Variants in CDKL1 observed in about 807,000 individuals in gnomAD.
The protein encoded by CDKL1 is cyclin-dependent kinase-like 1.
CDKL1 carries 41 observed loss-of-function variants against 42.0 expected under a neutral mutation model. The observed-to-expected ratio is 0.98, with a 90% CI of 0.76 to 1.27. CDKL1 has a LOEUF of 1.27. Among genes scored for constraint, CDKL1 ranks in the 50% most tolerant of loss-of-function variants. CDKL1 has a pLI of 0.00. For synonymous variants in CDKL1, 153 were observed against 158.6 expected (o/e 0.96, Z 0.26); for missense variants, 394 against 428.4 (o/e 0.92, Z 0.71).
At chr14:50,358,518 T>C (rs2034128784) in intron 3 of CDKL1, among the ~76,000 whole-genome samples, 1 of 151,388 alleles carries the variant, frequency 6.6e-6, no homozygotes, top group South Asian at 2.1e-4. Context: ...ATGCTTCTGC[T>C]GGTTTCTTCA....
chr14:50,378,511 T>C (rs973224957), intron 2 of CDKL1: 8 of 1,149,028 alleles, frequency 7.0e-6, no homozygotes, highest in South Asian at 4.1e-5. Context: ...CAAGGACACC[T>C]GCAGACAGTT....
At chr14:50,338,069 T>C (rs1319789024) in intron 7 of CDKL1, among the ~76,000 whole-genome samples, 1 of 152,186 alleles carries the variant, frequency 6.6e-6, no homozygotes, top group Non-Finnish European at 1.5e-5. Context: ...CTTTATGCTC[T>C]TGGATTATGG....
intron 8 of CDKL1, chr14:50,332,902 A>AATTTT: frequency 2.9e-6 from 1 of 346,184 alleles, no homozygotes; most frequent in Non-Finnish European, 4.9e-6. Flanking sequence ...AAAATCAGCT[A>AATTTT]CTTTTTTTTT....
chr14:50,343,811 A>G (rs2033636230), intron 4 of CDKL1, among the ~76,000 whole-genome samples: 1 of 152,186 alleles, frequency 6.6e-6, no homozygotes, highest in Admixed American at 6.5e-5. Flanking sequence ...GTGGTAAGTC[A>G]TAGTAACTAA....
intron 2 of CDKL1, chr14:50,390,223 G>C (rs765370991): frequency 6.6e-6 from 9 of 1,364,566 alleles, no homozygotes; most frequent in Middle Eastern, 2.1e-4. Context: ...CCCAGCTGCT[G>C]CTTTCAGCCC....
chr14:50,349,056 G>C (rs1331198372), intron 3 of CDKL1, among the ~76,000 whole-genome samples: 2 of 152,104 alleles, frequency 1.3e-5, no homozygotes, highest in Non-Finnish European at 1.5e-5. Flanking sequence ...CAAGTGCCAG[G>C]ATAATGGATG....
At chr14:50,364,926 T>A (rs1244156642) in intron 2 of CDKL1, among the ~76,000 whole-genome samples, 1 of 152,184 alleles carries the variant, frequency 6.6e-6, no homozygotes, top group African/African-American at 2.4e-5. Context: ...GGCCTGGAGC[T>A]TAGAACCTAG....
At chr14:50,379,388 G>A (rs1228880763) in intron 2 of CDKL1, among the ~76,000 whole-genome samples, 2 of 152,162 alleles carry the variant, frequency 1.3e-5, no homozygotes, top group African/African-American at 4.8e-5. Context: ...GCAGAAAGGA[G>A]CCCAGTGGCA....
At chr14:50,336,282 C>G in intron 7 of CDKL1, 1 of 1,229,212 alleles carries the variant, frequency 8.1e-7, no homozygotes, top group Admixed American at 2.8e-5. Flanking sequence ...TTTCTGTCAA[C>G]AGGAAATCTG....
At chr14:50,357,652 G>A (rs1176933953) in intron 3 of CDKL1, among the ~76,000 whole-genome samples, 3 of 152,196 alleles carry the variant, frequency 2.0e-5, no homozygotes, top group Non-Finnish European at 2.9e-5. Context: ...TAATCATTCC[G>A]TCCTCTTTCT....
intron 2 of CDKL1, among the ~76,000 whole-genome samples, chr14:50,378,634 A>G (rs1031383537): frequency 6.6e-6 from 1 of 151,972 alleles, no homozygotes; most frequent in African/African-American, 2.4e-5. Context: ...CCTAGGCTCA[A>G]GTGAGCCTCC....
At chr14:50,370,904 G>A (rs1039872996) in intron 2 of CDKL1, among the ~76,000 whole-genome samples, 2 of 152,150 alleles carry the variant, frequency 1.3e-5, no homozygotes, top group Non-Finnish European at 2.9e-5. Context: ...CTCCAGCACT[G>A]GGGATTATAA....
chr14:50,377,674 G>A (rs747031283), intron 2 of CDKL1: 19 of 1,343,938 alleles, frequency 1.4e-5, no homozygotes, highest in Admixed American at 2.0e-5. Flanking sequence ...TAGCAACACA[G>A]TCACTAAGCC....
intron 3 of CDKL1, among the ~76,000 whole-genome samples, chr14:50,345,826 C>T (rs1226965631): frequency 6.6e-6 from 1 of 152,218 alleles, no homozygotes; most frequent in Non-Finnish European, 1.5e-5. Context: ...CAAGCCACTG[C>T]TCCCAGTACT....
At chr14:50,334,978 AATT>A (rs2033176321) in intron 7 of CDKL1, 2 of 208,796 alleles carry the variant, frequency 9.6e-6, no homozygotes, top group Non-Finnish European at 9.5e-6. Context: ...TCCTGAGAAT[AATT>A]TTTGGCATTT....
intron 8 of CDKL1, chr14:50,332,707 T>C: frequency 2.6e-6 from 4 of 1,531,556 alleles, no homozygotes; most frequent in Non-Finnish European, 3.5e-6. Context: ...GAGAGTAAGA[T>C]ATAATTTTAG....
chr14:50,342,046 G>A (rs2033561342), intron 5 of CDKL1, 86 bp downstream of exon 5: 4 of 1,044,056 alleles, frequency 3.8e-6, no homozygotes, highest in Non-Finnish European at 2.9e-6. Flanking sequence ...GTACTATCTT[G>A]TATACTTCTA....
chr14:50,362,978 G>C (rs989920277), intron 2 of CDKL1: 1 of 466,218 alleles, frequency 2.1e-6, no homozygotes, highest in South Asian at 1.6e-5. Flanking sequence ...CCGCACTGCT[G>C]TAACACTTAT....
rs1318013936 is a variant in CDKL1, at chr14:50,338,989, A to T, written c.696T>A (p.Asn232Lys). 6.2e-7 allele frequency: 1 copy of T among 1,613,328 alleles called. No homozygotes were observed. Among genetic ancestry groups the T allele is most frequent in the South Asian group, 1.1e-5 (1 of 91,078 alleles). ...GAATTTTCACTCCACTGAAGTACTG[A>T]TTCGTGCTAAACACTTGCTGGTGCC... Reference protein sequence around the residue: ...IPRHQQVFSTNQYFSGVKIPD... With the variant: ...IPRHQQVFSTKQYFSGVKIPD... Residue 232 changes from asparagine to lysine, a missense_variant, in exon 7 of 10, where the codon AAT becomes AAA. Coordinates refer to ENST00000395834, the MANE Select transcript of CDKL1 (RefSeq NM_004196.7).
Sources: allele counts gnomAD v4.1 joint callset (sites outside exome capture counted in the v4.1 genomes callset), GRCh38; gene constraint gnomAD v4.1.1; transcripts MANE v1.5; gene names NCBI Gene and HGNC (gene_info 2026-07-23, HGNC 2026-07-21).